Variants in RYR1 observed in about 807,000 individuals in gnomAD.
RYR1 encodes the protein central core disease of muscle.
RYR1 carries 342 observed loss-of-function variants against 583.5 expected under a neutral mutation model. The ratio of observed to expected loss-of-function variants is 0.59; its 90% CI spans 0.54 to 0.64. RYR1 has a LOEUF of 0.64. Among genes scored for constraint, RYR1 ranks in the 30% least tolerant of loss-of-function variants. The pLI is 0.00. For synonymous variants in RYR1, 2,791 were observed against 2,822.5 expected, an observed-to-expected ratio of 0.99 and a Z score of 0.35; for missense variants, 6,032 against 6,917.2, an observed-to-expected ratio of 0.87 and a Z score of 4.54.
At chr19:38,573,432 G>A (rs1040901510) in intron 96 of RYR1, 125 bp downstream of exon 96, 101 of 1,260,946 alleles carry the variant, frequency 8.0e-5, no homozygotes, top group Non-Finnish European at 1.0e-4. Context: ...CTGTAATCCC[G>A]GCACTTTGGG....
chr19:38,507,063 G>A, intron 57 of RYR1, 111 bp downstream of exon 57: 2 of 1,539,644 alleles, frequency 1.3e-6, no homozygotes, highest in Non-Finnish European at 1.8e-6. Context: ...GGCCTGAGGA[G>A]CAAAGATGGA....
chr19:38,518,183 AAAGGG>A (rs1321898410), intron 66 of RYR1, among the ~76,000 whole-genome samples: 1 of 151,844 alleles, frequency 6.6e-6, no homozygotes, highest in Non-Finnish European at 1.5e-5. Flanking sequence ...GGAGGGAATA[AAAGGG>A]AAGGAAAGAA....
At position 38,523,639 on chromosome 19, in the gene RYR1, C is replaced by T. The variant is rs568123263; in HGVS notation, c.10441-276C>T. On this transcript the variant is annotated intron_variant, in intron 69 of 105. Transcript: ENST00000359596. ...AGCCTCTCTCTCCTCCCATTTCCCT[C>T]CTCCTCCTCCTCCCCATTTTCCCCC... 4.3e-4 allele frequency: 261 copies of T among 609,776 alleles called. 4 individuals carry two copies. The South Asian group carries it at 5.0e-3, about 12-fold the overall frequency. The allele number at this position is 609,776 out of a possible 1,614,324, so 37.8% of individuals were successfully genotyped here. A position where few individuals can be genotyped will look rare whatever the true frequency, so the allele number is the denominator to read the frequency against.
At chr19:38,555,446 CAAAAAAA>C (rs56911809) in intron 89 of RYR1, among the ~76,000 whole-genome samples, 1 of 83,488 alleles carries the variant, frequency 1.2e-5, no homozygotes, top group Admixed American at 1.4e-4. Context: ...GACCCTGCCT[CAAAAAAA>C]AAAAAAAAAA....
At chr19:38,507,587 C>G in intron 57 of RYR1, 125 bp from the exon 58 acceptor site, 1 of 732,586 alleles carries the variant, frequency 1.4e-6, no homozygotes, top group Non-Finnish European at 2.5e-6. Context: ...AGAGTGGAGC[C>G]CCAACCTGGG....
At chr19:38,532,784 C>A in intron 78 of RYR1, 48 bp downstream of exon 78, 4 of 1,562,072 alleles carry the variant, frequency 2.6e-6, no homozygotes, top group Non-Finnish European at 3.5e-6. Context: ...GGGACCCTGA[C>A]TGCAGTCATC....
chr19:38,545,042 G>A (rs1345711033), intron 87 of RYR1, among the ~76,000 whole-genome samples: 1 of 151,952 alleles, frequency 6.6e-6, no homozygotes, highest in African/African-American at 2.4e-5. Flanking sequence ...AGCCCTAGAG[G>A]GAAGAGATCT....
intron 37 of RYR1, among the ~76,000 whole-genome samples, chr19:38,492,096 T>C (rs1277565095): frequency 6.6e-6 from 1 of 152,130 alleles, no homozygotes; most frequent in Non-Finnish European, 1.5e-5. Flanking sequence ...GGGTGGTGGC[T>C]CATGCCTGCA....
intron 75 of RYR1, 57 bp downstream of exon 75, chr19:38,528,752 G>A (rs1971597696): frequency 1.3e-6 from 2 of 1,566,758 alleles, no homozygotes; most frequent in Non-Finnish European, 1.8e-6. Context: ...CTGGGGCGGA[G>A]GCCACCCTTG....
At chr19:38,470,132 C>T (rs1185465417) in intron 27 of RYR1, among the ~76,000 whole-genome samples, 3 of 150,652 alleles carry the variant, frequency 2.0e-5, no homozygotes, top group Non-Finnish European at 4.4e-5. Context: ...CGCCCTTGCA[C>T]TCCAGCCTGG....
At chr19:38,459,430 C>T in intron 19 of RYR1, 92 bp downstream of exon 19, 1 of 1,194,246 alleles carries the variant, frequency 8.4e-7, no homozygotes, top group Non-Finnish European at 1.2e-6. Flanking sequence ...CCCAGGAGGC[C>T]AGGACACTGC....
At chr19:38,535,512 A>G in intron 81 of RYR1, 120 bp downstream of exon 81, 1 of 808,364 alleles carries the variant, frequency 1.2e-6, no homozygotes, top group Non-Finnish European at 2.2e-6. Context: ...CTCACTCAGA[A>G]TCGCTCAAAT....
In RYR1 at chr19:38,496,731, T is replaced by G; in HGVS notation, c.6797-129T>G. Reference sequence around the variant, plus strand: ...AGTGACAGCCCAGAGTGGTCAGAGCTTGGATGAGGGAAGTACAGACCAGAG... The same window carrying G: ...AGTGACAGCCCAGAGTGGTCAGAGCGTGGATGAGGGAAGTACAGACCAGAG... On this transcript the variant is annotated intron_variant, in intron 41 of 105. Transcript: ENST00000359596. The surrounding 1 kb of genome is among the most constrained non-coding windows in gnomAD (Gnocchi z 4.8). 8.7e-7 allele frequency: 1 copy of G among 1,147,504 alleles called. No individual in the cohort carries two copies. The highest frequency in any genetic ancestry group is 1.3e-6 in the Non-Finnish European group (1 of 768,574). 71.1% of individuals were successfully genotyped at this position (1,147,504 alleles called of 1,614,324 possible). A position where few individuals can be genotyped will look rare whatever the true frequency, so the allele number is the denominator to read the frequency against.
intron 1 of RYR1, 25 bp downstream of exon 1, chr19:38,433,899 T>C: frequency 1.2e-6 from 2 of 1,604,610 alleles, no homozygotes; most frequent in South Asian, 2.2e-5. Context: ...GTTAGGGGCC[T>C]GTGGGGCTAT....
chr19:38,476,526 T>C (rs2145497238), intron 29 of RYR1, among the ~76,000 whole-genome samples: 1 of 152,094 alleles, frequency 6.6e-6, no homozygotes, highest in South Asian at 2.1e-4. Context: ...AGAAACGGGG[T>C]TTCACCATGT....
chr19:38,437,111 CACAA>C (rs1275110254), intron 1 of RYR1, among the ~76,000 whole-genome samples: 1 of 151,510 alleles, frequency 6.6e-6, no homozygotes, highest in Non-Finnish European at 1.5e-5. Flanking sequence ...AGTGCAATGG[CACAA>C]TCTCGGCTCA....
At chr19:38,544,938 G>C (rs1243763269) in intron 87 of RYR1, among the ~76,000 whole-genome samples, 2 of 152,150 alleles carry the variant, frequency 1.3e-5, no homozygotes, top group South Asian at 2.1e-4. Flanking sequence ...GATGTCAGCA[G>C]AACTGCCTCC....
intron 60 of RYR1, among the ~76,000 whole-genome samples, chr19:38,511,032 A>G (rs1970704043): frequency 6.6e-6 from 1 of 152,190 alleles, no homozygotes. Flanking sequence ...GTGGTGGCTC[A>G]TGCCTGTAAT....
chr19:38,521,840 G>GGGA (rs1971240511), intron 67 of RYR1, among the ~76,000 whole-genome samples: 1 of 150,388 alleles, frequency 6.6e-6, no homozygotes, highest in Non-Finnish European at 1.5e-5. Context: ...CTGAGTAGCT[G>GGGA]GGACCACAGG....
Sources: gnomAD v4.1 joint callset for allele counts (sites outside exome capture counted in the v4.1 genomes callset) on GRCh38, gnomAD v4.1.1 for gene constraint, Gnocchi (gnomAD v3.1) non-coding constraint, MANE v1.5 for transcripts, NCBI Gene and HGNC (gene_info 2026-07-23, HGNC 2026-07-21) for gene names.